Variants in TRIM24 observed in about 807,000 individuals in gnomAD.
TRIM24 encodes transcription intermediary factor 1-alpha.
A neutral mutation model predicts 123.9 loss-of-function variants in TRIM24; 29 were observed. That is an observed-to-expected ratio of 0.23 (90% CI 0.17 to 0.32). The LOEUF is 0.32. Among genes scored for constraint, TRIM24 ranks in the 10% least tolerant of loss-of-function variants. TRIM24 has a pLI of 1.00. For missense variants in TRIM24, 932 were observed against 1,295.3 expected (o/e 0.72, Z 4.31); for synonymous variants, 456 against 461.1 (o/e 0.99, Z 0.14).
intron 1 of TRIM24, among the ~76,000 whole-genome samples, chr7:138,478,286 T>C (rs1330661556): frequency 6.6e-6 from 1 of 152,058 alleles, no homozygotes; most frequent in African/African-American, 2.4e-5. Context: ...AAGAAATTGG[T>C]TTATGTACTA....
At chr7:138,556,622 A>G (rs1264726213) in intron 9 of TRIM24, among the ~76,000 whole-genome samples, 2 of 152,196 alleles carry the variant, frequency 1.3e-5, no homozygotes, top group Non-Finnish European at 2.9e-5. Context: ...TTATTTTGCA[A>G]TACATTCCCA....
chr7:138,509,925 G>A (rs888217335), intron 2 of TRIM24, among the ~76,000 whole-genome samples: 1 of 152,178 alleles, frequency 6.6e-6, no homozygotes, highest in Non-Finnish European at 1.5e-5. Context: ...GTGCATCTTG[G>A]CTGGTGATGG....
intron 2 of TRIM24, among the ~76,000 whole-genome samples, chr7:138,509,319 A>AAT (rs904584092): frequency 6.7e-5 from 10 of 148,374 alleles, no homozygotes; most frequent in South Asian, 2.1e-4. Flanking sequence ...ATATATGTAT[A>AAT]ATATATATAT....
chr7:138,527,884 G>C (rs1049983498), intron 5 of TRIM24, among the ~76,000 whole-genome samples: 1 of 152,148 alleles, frequency 6.6e-6, no homozygotes, highest in Non-Finnish European at 1.5e-5. Flanking sequence ...CTAGAACAAA[G>C]ACTGGGCCTA....
chr7:138,464,968 A>G (rs770020562), intron 1 of TRIM24, among the ~76,000 whole-genome samples: 26 of 152,194 alleles, frequency 1.7e-4, no homozygotes, highest in Non-Finnish European at 3.2e-4. Flanking sequence ...TTCCCTTTCT[A>G]TAAAATACTT....
Position 138,519,176 on chromosome 7 carries a change from A to G in TRIM24, c.632-13A>G, listed in dbSNP as rs778626763. 1.2e-5 allele frequency: 19 copies of G among 1,613,802 alleles called. No individual in the cohort carries two copies. In the Admixed American group the frequency reaches 3.0e-4, roughly 25 times the overall value. ...GTTAATTTTCTTCTCTTTGTCTCCC[A>G]TTGTTTCTGCAGAGGCAGTTGGTGT... is the stretch of plus-strand genomic sequence containing the variant. On this transcript the variant is annotated splice_polypyrimidine_tract_variant and intron_variant, in intron 3 of 18. Transcript: ENST00000343526.
intron 1 of TRIM24, among the ~76,000 whole-genome samples, chr7:138,497,486 C>T (rs1301634124): frequency 6.7e-6 from 1 of 148,462 alleles, no homozygotes; most frequent in East Asian, 2.0e-4. Flanking sequence ...CTGCAGCCTC[C>T]ACCTCCTGGG....
chr7:138,509,593 A>G (rs1382519369), intron 2 of TRIM24, among the ~76,000 whole-genome samples: 1 of 149,076 alleles, frequency 6.7e-6, no homozygotes, highest in Non-Finnish European at 1.5e-5. Flanking sequence ...AATCCCAGCT[A>G]CTTGGGAGGG....
At position 138,476,057 on chromosome 7, in the gene TRIM24, AAAG is replaced by A. The variant is rs923990384; in HGVS notation, c.364+15149_364+15151del. The stretch of plus-strand genomic sequence containing the variant: ...ATTCATGACAGCTTTCATTTAAAAA[AAAG>A]AAGCTTCAGGAGAGTCATTAAGAGT... On this transcript the variant is annotated intron_variant, in intron 1 of 18. Coordinates refer to ENST00000343526, the MANE Select transcript of TRIM24 (RefSeq NM_015905.3). Among the ~76,000 whole-genome samples, 24 of 152,140 alleles carry A rather than the reference AAAG, an allele frequency of 1.6e-4. 1 individual carries two copies. Among genetic ancestry groups the A allele is most frequent in the African/African-American group, 5.6e-4 (23 of 41,438 alleles).
At chr7:138,476,592 CA>C (rs60613094) in intron 1 of TRIM24, among the ~76,000 whole-genome samples, 44,152 of 107,662 alleles carry the variant, frequency 0.41, 6,403 homozygotes, top group East Asian at 0.55. Flanking sequence ...GGCTCCGTCT[CA>C]AAAAAAAAAA....
chr7:138,491,433 G>A (rs1795778317), intron 1 of TRIM24: 1 of 154,890 alleles, frequency 6.5e-6, no homozygotes. Flanking sequence ...ATAGAATTAT[G>A]CAATATTTGT....
chr7:138,549,694 G>A (rs1797171543), intron 7 of TRIM24, among the ~76,000 whole-genome samples: 1 of 152,142 alleles, frequency 6.6e-6, no homozygotes, highest in Non-Finnish European at 1.5e-5. Flanking sequence ...AAAGAAATGG[G>A]GTAGTTGATG....
At chr7:138,487,393 G>A (rs1795672519) in intron 1 of TRIM24, among the ~76,000 whole-genome samples, 1 of 152,326 alleles carries the variant, frequency 6.6e-6, no homozygotes, top group East Asian at 1.9e-4. Flanking sequence ...GGAGTGGTGA[G>A]AGAGGGCATC....
chr7:138,502,648 A>G (rs1425334386), intron 1 of TRIM24, among the ~76,000 whole-genome samples: 1 of 152,212 alleles, frequency 6.6e-6, no homozygotes. Flanking sequence ...AATGTTTTAT[A>G]AAGAATGTCT....
At chr7:138,510,669 G>C (rs1251240086) in intron 2 of TRIM24, among the ~76,000 whole-genome samples, 1 of 152,126 alleles carries the variant, frequency 6.6e-6, no homozygotes, top group Non-Finnish European at 1.5e-5. Context: ...CATACCACCT[G>C]CCTTGGCCTC....
At chr7:138,462,445 A>C (rs1163928315) in intron 1 of TRIM24, among the ~76,000 whole-genome samples, 1 of 143,334 alleles carries the variant, frequency 7.0e-6, no homozygotes, top group Admixed American at 7.4e-5. Context: ...GGTTCACGCC[A>C]TTCTCCTGCC....
Position 138,562,050 on chromosome 7 carries a change from G to A in TRIM24, c.1531-5431G>A, listed in dbSNP as rs573503753. ...TGACTTACTTCAAAGCCTAAATATT[G>A]GACTCTCCTGGAGCAGATTTGAGCC... On this transcript the variant is annotated intron_variant, in intron 9 of 18. Transcript: ENST00000343526. Among the ~76,000 whole-genome samples, 217 of 152,188 alleles carry A rather than the reference G, an allele frequency of 1.4e-3. 2 individuals are homozygous for A. The highest frequency in any genetic ancestry group is 1.1e-3 in the Non-Finnish European group (75 of 67,998).
chr7:138,505,194 C>T (rs1796125860), intron 2 of TRIM24, among the ~76,000 whole-genome samples: 1 of 152,068 alleles, frequency 6.6e-6, no homozygotes, highest in Non-Finnish European at 1.5e-5. Flanking sequence ...GAATAATTCA[C>T]CTTAAGAAAT....
At chr7:138,482,967 G>A in intron 1 of TRIM24, among the ~76,000 whole-genome samples, 1 of 151,832 alleles carries the variant, frequency 6.6e-6, no homozygotes, top group Non-Finnish European at 1.5e-5. Flanking sequence ...ACCCAGGCTG[G>A]AGTGCAGTGG....
Sources: allele counts gnomAD v4.1 joint callset (sites outside exome capture counted in the v4.1 genomes callset), GRCh38; gene constraint gnomAD v4.1.1; transcripts MANE v1.5; gene names NCBI Gene and HGNC (gene_info 2026-07-23, HGNC 2026-07-21).